Variants in RAB44 observed in about 807,000 individuals in gnomAD.
RAB44 encodes ras-related protein Rab-44.
Under a neutral mutation model 93.3 loss-of-function variants are expected in RAB44, and 67 were observed. That is an observed-to-expected ratio of 0.72 (90% CI 0.59 to 0.88). RAB44 has a LOEUF of 0.88. RAB44 is among the 40% of genes least tolerant of loss of function. RAB44 has a pLI of 0.00. For synonymous variants in RAB44, 427 were observed against 520.3 expected, an observed-to-expected ratio of 0.82 and a Z score of 2.44; for missense variants, 1,064 against 1,261.7, an observed-to-expected ratio of 0.84 and a Z score of 2.37.
chr6:36,723,752 G>A (rs1361464126), intron 9 of RAB44, among the ~76,000 whole-genome samples: 4 of 150,236 alleles, frequency 2.7e-5, no homozygotes, highest in African/African-American at 4.9e-5. Context: ...GGAGAATGAC[G>A]TGAACCCAGG....
intron 1 of RAB44, among the ~76,000 whole-genome samples, chr6:36,700,094 C>A (rs1762475468): frequency 6.6e-6 from 1 of 152,162 alleles, no homozygotes; most frequent in African/African-American, 2.4e-5. Flanking sequence ...GGGAAGGTGA[C>A]AAGTGCTAAG....
At chr6:36,702,197 G>A (rs1762524583) in intron 1 of RAB44, among the ~76,000 whole-genome samples, 1 of 152,030 alleles carries the variant, frequency 6.6e-6, no homozygotes, top group African/African-American at 2.4e-5. Flanking sequence ...GGTGTGCACA[G>A]TCAGCCCTCA....
At chr6:36,714,060 C>G in intron 3 of RAB44, 121 bp downstream of exon 3, 1 of 669,862 alleles carries the variant, frequency 1.5e-6, no homozygotes, top group South Asian at 1.8e-5. Flanking sequence ...CCCCCCATCC[C>G]CGGCTGCCAC....
intron 10 of RAB44, 86 bp downstream of exon 10, chr6:36,726,029 G>C: frequency 9.4e-7 from 1 of 1,061,422 alleles, no homozygotes; most frequent in Middle Eastern, 2.4e-4. Context: ...AATAACACAG[G>C]CAGGAGGCAA....
intron 1 of RAB44, among the ~76,000 whole-genome samples, chr6:36,700,691 G>A (rs998504891): frequency 6.6e-6 from 1 of 152,118 alleles, no homozygotes; most frequent in African/African-American, 2.4e-5. Context: ...TCTCGCCTCA[G>A]CCTCCCAAAG....
chr6:36,724,984 A>C (rs1013239623), intron 9 of RAB44, among the ~76,000 whole-genome samples: 3 of 152,188 alleles, frequency 2.0e-5, no homozygotes, highest in Non-Finnish European at 4.4e-5. Flanking sequence ...GTTATATTTG[A>C]ATGTACATTT....
In RAB44 at chr6:36,732,748, G is replaced by A. The variant is rs1344766145; in HGVS notation, c.*655G>A. ...GTTCCAAAGGCCTCTGATATGCCTC[G>A]ATGCCCTCCTGTCTTCCAGAGCCCC... On this transcript the variant is annotated 3_prime_UTR_variant, in exon 14 of 14. Coordinates refer to ENST00000612677, the MANE Select transcript of RAB44 (RefSeq NM_001257357.2). The A allele has an allele frequency of 3.3e-5, 5 of 152,118 alleles. No homozygotes were observed. Among genetic ancestry groups the A allele is most frequent in the South Asian group, 2.1e-4 (1 of 4,830 alleles). The allele number at this position is 152,118 out of a possible 1,614,324, so 9.4% of individuals were successfully genotyped here. A position where few individuals can be genotyped will look rare whatever the true frequency, so the allele number is the denominator to read the frequency against.
Position 36,721,801 on chromosome 6 carries a change from C to T in RAB44, c.1667C>T (p.Pro556Leu). The T allele has an allele frequency of 3.2e-6, 4 of 1,234,662 alleles. No individual in the cohort carries two copies. The allele number at this position is 1,234,662 out of a possible 1,614,324, so 76.5% of individuals were successfully genotyped here. ...GGACCCCAGGAACCCACACAAACCC[C>T]TCCCACCATGACTGAGCGGGAAACC... ...GAGPQEPTQTPPTMTERETQP... is the reference protein window; with the variant it reads ...GAGPQEPTQTLPTMTERETQP... Residue 556 changes from proline (P) to leucine (L), a missense_variant, in exon 9 of 14, where the codon CCT becomes CTT. Coordinates refer to ENST00000612677, the MANE Select transcript of RAB44 (RefSeq NM_001257357.2).
At position 36,727,585 on chromosome 6, in the gene RAB44, G is replaced by A. The variant is rs542341906; in HGVS notation, c.2690G>A (p.Ser897Asn). ...WDTAGQERYH[S>N]MTRQLLRKAD... is the part of the protein sequence containing the mutation. ...GCAGACTCTCTGGGCAGGTACCACA[G>A]TATGACGCGACAGCTGCTCCGCAAG... The change falls in exon 11 of 14, where the codon AGT (serine) becomes AAT (asparagine). Residue 897 changes from serine to asparagine, a missense_variant. Physicochemically the swap from Ser to Asn is conservative, Grantham distance 46 (BLOSUM62 1). Coordinates refer to ENST00000612677, the MANE Select transcript of RAB44 (RefSeq NM_001257357.2). 1.9e-5 allele frequency: 29 copies of A among 1,550,256 alleles called. No homozygotes were observed. The highest frequency in any genetic ancestry group is 2.4e-5 in the East Asian group (1 of 40,938).
At chr6:36,727,737 A>G in intron 11 of RAB44, 46 bp downstream of exon 11, 1 of 1,260,114 alleles carries the variant, frequency 7.9e-7, no homozygotes, top group Non-Finnish European at 1.1e-6. Context: ...TCCAGTCAAG[A>G]GGGATCTTAT....
chr6:36,724,874 G>A (rs1251993872), intron 9 of RAB44, among the ~76,000 whole-genome samples: 1 of 152,270 alleles, frequency 6.6e-6, no homozygotes, highest in African/African-American at 2.4e-5. Flanking sequence ...CCTACCTAGT[G>A]TCACCTTCCC....
rs62406594 is a variant in RAB44 at position 36,717,762 on chromosome 6, A to G, written c.642-266A>G. Among the ~76,000 whole-genome samples the G allele has an allele frequency of 0.01, 517 of 51,546 alleles. 3 individuals are homozygous for G. Among genetic ancestry groups the G allele is most frequent in the Non-Finnish European group, 0.028 (419 of 15,006 alleles). 33.8% of individuals were successfully genotyped at this position (51,546 alleles called of 152,430 possible). A position where few individuals can be genotyped will look rare whatever the true frequency, so the allele number is the denominator to read the frequency against. On this transcript the variant is annotated intron_variant, in intron 5 of 13. Coordinates refer to ENST00000612677, the MANE Select transcript of RAB44 (RefSeq NM_001257357.2). The surrounding 1 kb of genome is among the most constrained non-coding windows in gnomAD (Gnocchi z 4.1). Reference sequence around the variant, plus strand: ...GGAGTGGGGACTGAGTGATGGGGTGATGGGGACAATGAGACCCTGGCCAGG... The same window carrying G: ...GGAGTGGGGACTGAGTGATGGGGTGGTGGGGACAATGAGACCCTGGCCAGG...
chr6:36,707,090 T>C (rs1262679039), intron 2 of RAB44, among the ~76,000 whole-genome samples: 2 of 152,036 alleles, frequency 1.3e-5, no homozygotes, highest in Non-Finnish European at 2.9e-5. Context: ...GAGGCTGAGG[T>C]GGGCAGATCA....
intron 1 of RAB44, among the ~76,000 whole-genome samples, chr6:36,703,513 G>A (rs1178197096): frequency 2.6e-5 from 4 of 152,172 alleles, no homozygotes. Flanking sequence ...AGGGAGCAGG[G>A]TGGGAGGGAA....
rs554352720 is a variant in RAB44 at position 36,721,901 on chromosome 6, C to A, written c.1767C>A (p.Leu589=). 27 of 1,235,022 alleles carry A rather than the reference C, an allele frequency of 2.2e-5. No homozygotes were observed. Among genetic ancestry groups the A allele is most frequent in the Non-Finnish European group, 2.5e-5 (25 of 988,692 alleles). The allele number at this position is 1,235,022 out of a possible 1,614,324, so 76.5% of individuals were successfully genotyped here. A position where few individuals can be genotyped will look rare whatever the true frequency, so the allele number is the denominator to read the frequency against. The change falls in exon 9 of 14, where the codon CTC becomes CTA. Residue 589 remains leucine (L), a synonymous_variant. Transcript: ENST00000612677. ...PAKPPRQRDA[L]QQDLHATGSE... ...AGCCGCCCAGGCAGAGAGATGCCCT[C>A]CAGCAGGACCTGCATGCCACTGGCT... is the stretch of plus-strand genomic sequence containing the variant.
In RAB44 at chr6:36,720,387, A is replaced by G; in HGVS notation, c.853A>G (p.Arg285Gly). 8.1e-7 allele frequency: 1 copy of G among 1,232,382 alleles called. No individual in the cohort carries two copies. The highest frequency in any genetic ancestry group is 1.0e-6 in the Non-Finnish European group (1 of 988,140). 76.3% of individuals were successfully genotyped at this position (1,232,382 alleles called of 1,614,324 possible). The change falls in exon 8 of 14, where the codon AGG becomes GGG. Residue 285 changes from arginine to glycine, a missense_variant. Arg to Gly is a moderately radical substitution (Grantham distance 125, BLOSUM62 -2). Coordinates refer to ENST00000612677, the MANE Select transcript of RAB44 (RefSeq NM_001257357.2). ...RELEAQLSHLRSTHQEAASEN... is the reference protein window; with the variant it reads ...RELEAQLSHLGSTHQEAASEN... The stretch of plus-strand genomic sequence containing the variant: ...GCTGGAGGCCCAGCTCTCCCACCTC[A>G]GGAGCACACATCAGGAGGCTGCCTC...
chr6:36,725,990 A>AGG, intron 10 of RAB44, 47 bp downstream of exon 10: 1 of 1,396,856 alleles, frequency 7.2e-7, no homozygotes, highest in Non-Finnish European at 9.9e-7. Flanking sequence ...GGCTGAGCGT[A>AGG]GGGGTGCAGA....
chr6:36,723,729 G>A (rs1301272211), intron 9 of RAB44, among the ~76,000 whole-genome samples: 3 of 151,324 alleles, frequency 2.0e-5, no homozygotes, highest in African/African-American at 7.3e-5. Context: ...CAGCTACTCG[G>A]GAGGCTGAGG....
Position 36,729,871 on chromosome 6 carries a change from C to T in RAB44, c.2899-802C>T, listed in dbSNP as rs138381865. On this transcript the variant is annotated intron_variant, in intron 12 of 13. Coordinates refer to ENST00000612677, the MANE Select transcript of RAB44 (RefSeq NM_001257357.2). Reference sequence around the variant, plus strand: ...AAGGGAAGACTCAGAAGTAATAATCCCTAAAGGAACACCTAATGGATACCC... The same window carrying T: ...AAGGGAAGACTCAGAAGTAATAATCTCTAAAGGAACACCTAATGGATACCC... Among the ~76,000 whole-genome samples the T allele has an allele frequency of 1.9e-4, 29 of 152,222 alleles. No homozygotes were observed. The East Asian group carries it at 5.4e-3, about 28-fold the overall frequency.
Sources: allele counts gnomAD v4.1 joint callset (sites outside exome capture counted in the v4.1 genomes callset), GRCh38; gene constraint gnomAD v4.1.1; non-coding constraint Gnocchi (gnomAD v3.1); transcripts MANE v1.5; gene names NCBI Gene and HGNC (gene_info 2026-07-23, HGNC 2026-07-21).